Variants in CNGA3 observed in about 807,000 individuals in gnomAD.
CNGA3 encodes cyclic nucleotide-gated channel alpha-3.
A neutral mutation model predicts 46.6 loss-of-function variants in CNGA3; 42 were observed. That is an observed-to-expected ratio of 0.90 (90% CI 0.70 to 1.17). The LOEUF (loss-of-function observed/expected upper bound fraction) is 1.17. Among genes scored for constraint, CNGA3 ranks in the 50% most tolerant of loss-of-function variants. CNGA3 has a pLI of 0.00. For synonymous variants in CNGA3, 394 were observed against 369.4 expected (o/e 1.07, Z -0.76); for missense variants, 893 against 890.7 (o/e 1.00, Z -0.03).
intron 1 of CNGA3, among the ~76,000 whole-genome samples, chr2:98,367,842 A>G (rs1307615844): frequency 6.6e-6 from 1 of 152,026 alleles, no homozygotes; most frequent in Non-Finnish European, 1.5e-5. Flanking sequence ...TGCTCACCTC[A>G]CAGGGAACTC....
At chr2:98,375,672 T>C (rs1190441536) in intron 2 of CNGA3, among the ~76,000 whole-genome samples, 1 of 152,208 alleles carries the variant, frequency 6.6e-6, no homozygotes, top group African/African-American at 2.4e-5. Context: ...TAAAGAGCCA[T>C]GCCTATGGTA....
intron 2 of CNGA3, 96 bp from the exon 3 acceptor site, chr2:98,377,591 T>G (rs1000385506): frequency 8.0e-7 from 1 of 1,243,414 alleles, no homozygotes; most frequent in Non-Finnish European, 1.2e-6. Context: ...TGGCTTTCCC[T>G]GCTAAGCAGA....
In CNGA3 at chr2:98,396,370, C is replaced by T. The variant is rs747041277; in HGVS notation, c.1200C>T (p.Gly400=). ...TTGCCACCATTGTGGGCAATGTGGG[C>T]TCCATGATCTCGAATATGAATGCCT... is the stretch of plus-strand genomic sequence containing the variant. The part of the protein sequence containing the change: ...LIFATIVGNV[G]SMISNMNASR... The change falls in exon 8 of 8, where the codon GGC becomes GGT. Residue 400 remains glycine (G), a synonymous_variant. Transcript: ENST00000272602. 9 of 1,613,600 alleles carry T rather than the reference C, an allele frequency of 5.6e-6. No homozygotes were observed. The South Asian group carries it at 9.9e-5, about 18-fold the overall frequency.
At chr2:98,370,132 A>G (rs1692253350) in intron 2 of CNGA3, 56 bp downstream of exon 2, 1 of 1,381,732 alleles carries the variant, frequency 7.2e-7, no homozygotes, top group East Asian at 2.4e-5. Context: ...TCATTTCCAC[A>G]GCTGATCTAG....
rs772389089 is a variant in CNGA3 at position 98,396,768 on chromosome 2, A to T, written c.1598A>T (p.Asp533Val). The change falls in exon 8 of 8, where the codon GAT becomes GTT. Residue 533 changes from aspartate to valine, a missense_variant. Physicochemically the swap from Asp to Val is radical, Grantham distance 152. Coordinates refer to ENST00000272602, the MANE Select transcript of CNGA3 (RefSeq NM_001298.3). Reference protein sequence around the residue: ...NEGKLAVVADDGVTQFVVLSD... With the variant: ...NEGKLAVVADVGVTQFVVLSD... ...GGCAAGCTGGCCGTGGTGGCTGATG[A>T]TGGGGTCACCCAGTTCGTGGTCCTC... The T allele has an allele frequency of 1.2e-6, 2 of 1,614,202 alleles. No individual in the cohort carries two copies. Among genetic ancestry groups the T allele is most frequent in the Non-Finnish European group, 1.7e-6 (2 of 1,180,046 alleles).
intron 3 of CNGA3, among the ~76,000 whole-genome samples, chr2:98,378,769 A>G (rs1390803618): frequency 6.6e-6 from 1 of 152,214 alleles, no homozygotes; most frequent in Non-Finnish European, 1.5e-5. Flanking sequence ...TAAGCTTGCA[A>G]CACAAGCTAT....
Position 98,383,395 on chromosome 2 carries a change from C to A in CNGA3, c.403C>A (p.Pro135Thr), listed in dbSNP as rs1383594874. Residue 135 changes from proline (P) to threonine (T), a missense_variant, in exon 5 of 8, where the codon CCC (proline) becomes ACC (threonine). Transcript: ENST00000272602. ...EPADRGRSAW[P>T]LAKCNTNTSN... ...CTCTCTACCTTCCCGCAGCGCCTGG[C>A]CCCTGGCCAAATGCAACACTAACAC... 9 of 1,613,970 alleles carry A rather than the reference C, an allele frequency of 5.6e-6. No individual in the cohort carries two copies. Among genetic ancestry groups the A allele is most frequent in the Non-Finnish European group, 6.8e-6 (8 of 1,180,002 alleles).
At chr2:98,365,748 G>A (rs1384893997) in intron 1 of CNGA3, among the ~76,000 whole-genome samples, 2 of 152,080 alleles carry the variant, frequency 1.3e-5, no homozygotes, top group East Asian at 3.9e-4. Flanking sequence ...AGAACCATCA[G>A]GTCATTTATG....
intron 5 of CNGA3, among the ~76,000 whole-genome samples, chr2:98,386,426 C>T (rs751133821): frequency 1.3e-5 from 2 of 152,276 alleles, no homozygotes; most frequent in Non-Finnish European, 2.9e-5. Flanking sequence ...ATAAGTCTCA[C>T]GAGATCTGAT....
chr2:98,355,993 C>T (rs1030978087), intron 1 of CNGA3: 1 of 152,210 alleles, frequency 6.6e-6, no homozygotes, highest in Non-Finnish European at 1.5e-5. Context: ...TCTTTGCCGG[C>T]TGTAGGAATG....
chr2:98,384,197 C>T (rs919895321), intron 5 of CNGA3, among the ~76,000 whole-genome samples: 1 of 152,116 alleles, frequency 6.6e-6, no homozygotes, highest in Non-Finnish European at 1.5e-5. Context: ...CTGAAGTTCC[C>T]GTGTTTTAAG....
In CNGA3 at chr2:98,356,837, A is replaced by AGT. The variant is rs1162888728; in HGVS notation, c.-38+10303_-38+10304insGT. Among the ~76,000 whole-genome samples the AGT allele has an allele frequency of 5.9e-5, 9 of 152,182 alleles. No individual in the cohort carries two copies. In the South Asian group the frequency reaches 1.2e-3, roughly 21 times the overall value. On this transcript the variant is annotated intron_variant, in intron 1 of 7. Coordinates refer to ENST00000272602, the MANE Select transcript of CNGA3 (RefSeq NM_001298.3). Reference sequence around the variant, plus strand: ...GTTCAGTCTAGAGCAAGGGGCTCGAAATGTTTGGCCCTCCTTTGTAGTATG... The same window carrying AGT: ...GTTCAGTCTAGAGCAAGGGGCTCGAAGTATGTTTGGCCCTCCTTTGTAGTATG...
At position 98,396,817 on chromosome 2, in the gene CNGA3, G is replaced by A. The variant is rs1692929565; in HGVS notation, c.1647G>A (p.Glu549=). Residue 549 remains glutamate, a synonymous_variant, in exon 8 of 8, where the codon GAG becomes GAA. Coordinates refer to ENST00000272602, the MANE Select transcript of CNGA3 (RefSeq NM_001298.3). ...TCAGCGATGGCAGCTACTTCGGGGA[G>A]ATCAGCATTCTGAACATCAAGGGGA... ...VVLSDGSYFG[E]ISILNIKGSK... The A allele has an allele frequency of 6.2e-7, 1 of 1,614,198 alleles. No individual in the cohort carries two copies. The highest frequency in any genetic ancestry group is 8.5e-7 in the Non-Finnish European group (1 of 1,180,046).
intron 5 of CNGA3, among the ~76,000 whole-genome samples, chr2:98,386,373 G>A (rs554361260): frequency 6.6e-6 from 1 of 152,302 alleles, no homozygotes; most frequent in African/African-American, 2.4e-5. Flanking sequence ...AGATCTGGTG[G>A]GAGGTAATTG....
intron 3 of CNGA3, among the ~76,000 whole-genome samples, chr2:98,379,640 C>A (rs1004497160): frequency 1.3e-5 from 2 of 152,282 alleles, no homozygotes; most frequent in Non-Finnish European, 2.9e-5. Context: ...CAAGAACACA[C>A]CAATAAGATA....
Position 98,396,039 on chromosome 2 carries a change from G to T in CNGA3, c.869G>T (p.Arg290Leu). 1.2e-6 allele frequency: 2 copies of T among 1,614,134 alleles called. No individual in the cohort carries two copies. The highest frequency in any genetic ancestry group is 1.1e-5 in the South Asian group (1 of 91,082). ...KFSRLFEFFD[R>L]TETRTNYPNM... ...TCCCGGCTCTTTGAATTCTTTGACC[G>T]CACAGAGACAAGGACCAACTACCCC... The change falls in exon 8 of 8, where the codon CGC becomes CTC. Residue 290 changes from arginine to leucine, a missense_variant. Physicochemically the swap from Arg to Leu is moderately radical, Grantham distance 102. Around this residue, in one of 3 missense-constraint regions of CNGA3, gnomAD observed 548 missense variants for 570.8 expected, o/e 0.96. Coordinates refer to ENST00000272602, the MANE Select transcript of CNGA3 (RefSeq NM_001298.3).
chr2:98,387,528 A>G (rs553329240), intron 5 of CNGA3, among the ~76,000 whole-genome samples: 14 of 152,208 alleles, frequency 9.2e-5, no homozygotes, highest in African/African-American at 2.4e-5. Context: ...AGATAACTTT[A>G]TAAGAGTTCC....
chr2:98,368,062 C>G lies in CNGA3; in HGVS notation c.-37-1877C>G, dbSNP rs3754902. 2.1e-3 allele frequency among the ~76,000 whole-genome samples: 326 copies of G among 152,348 alleles called. 4 individuals carry two copies. The East Asian group carries it at 0.046, about 22-fold the overall frequency. Reference sequence around the variant, plus strand: ...TCCTATGATCAGCCAGAAACTCACTCATTGTTACATAAGTGAATAAAGTGT... The same window carrying G: ...TCCTATGATCAGCCAGAAACTCACTGATTGTTACATAAGTGAATAAAGTGT... On this transcript the variant is annotated intron_variant, in intron 1 of 7. Coordinates refer to ENST00000272602, the MANE Select transcript of CNGA3 (RefSeq NM_001298.3).
intron 7 of CNGA3, among the ~76,000 whole-genome samples, chr2:98,392,606 A>G (rs1308143554): frequency 6.6e-6 from 1 of 152,128 alleles, no homozygotes. Flanking sequence ...AAAAAAAAGA[A>G]AAGAAGTAAG....
Sources: allele counts gnomAD v4.1 joint callset (sites outside exome capture counted in the v4.1 genomes callset), GRCh38; gene constraint gnomAD v4.1.1; regional missense constraint gnomAD v4.1.1; transcripts MANE v1.5; gene names NCBI Gene and HGNC (gene_info 2026-07-23, HGNC 2026-07-21).